INSC: variants seen among roughly 807,000 people sequenced by gnomAD.
INSC encodes the protein INSC spindle orientation adaptor protein.
In INSC, 67 loss-of-function variants were observed where a neutral mutation model predicts 58.6. The ratio of observed to expected loss-of-function variants is 1.14; its 90% CI spans 0.94 to 1.40. The LOEUF (loss-of-function observed/expected upper bound fraction) is 1.40, where lower values mean the gene tolerates loss of function less well. Among genes scored for constraint, INSC ranks in the 40% most tolerant of loss-of-function variants. The pLI is 0.00. For missense variants in INSC, 714 were observed against 692.0 expected (o/e 1.03, Z -0.36); for synonymous variants, 262 against 276.1 (o/e 0.95, Z 0.51).
Position 15,240,461 on chromosome 11 carries a change from A to T in INSC, c.1408A>T (p.Ile470Phe), listed in dbSNP as rs1356563334. Residue 470 changes from isoleucine (I) to phenylalanine (F), a missense_variant, in exon 12 of 13, where the codon ATC (isoleucine) becomes TTC (phenylalanine). Physicochemically the swap from Ile to Phe is conservative, Grantham distance 21. Coordinates refer to ENST00000379556, the MANE Select transcript of INSC (RefSeq NM_001042536.3). ...GTCTCCTACAGGCATGTCCCGTCTCATCGAGCTCTGCAGATCCCCATCAGA... is the reference window on the plus strand; with the variant it reads ...GTCTCCTACAGGCATGTCCCGTCTCTTCGAGCTCTGCAGATCCCCATCAGA... The part of the protein sequence containing the change: ...AVRLSCMSRL[I>F]ELCRSPSERN... 6.2e-7 allele frequency: 1 copy of T among 1,613,902 alleles called. No individual in the cohort carries two copies. The highest frequency in any genetic ancestry group is 1.1e-5 in the South Asian group (1 of 91,038).
intron 9 of INSC, among the ~76,000 whole-genome samples, chr11:15,231,268 T>C (rs1851913794): frequency 1.3e-5 from 2 of 152,110 alleles, no homozygotes; most frequent in African/African-American, 4.8e-5. Flanking sequence ...GGGAAGAGGG[T>C]GGAGAGAAGC....
chr11:15,208,343 G>A (rs148091080), intron 7 of INSC, among the ~76,000 whole-genome samples: 67 of 151,246 alleles, frequency 4.4e-4, no homozygotes, highest in African/African-American at 1.3e-3. Flanking sequence ...AGGGTCCCAG[G>A]TTAGCTGTGC....
intron 1 of INSC, among the ~76,000 whole-genome samples, chr11:15,127,943 C>T (rs891726868): frequency 4.0e-5 from 6 of 151,718 alleles, no homozygotes; most frequent in South Asian, 2.1e-4. Flanking sequence ...TGCAGTGAGC[C>T]GAGATCGTGC....
chr11:15,264,058 G>A, the INSC span, among the ~76,000 whole-genome samples: 2 of 149,070 alleles, frequency 1.3e-5, no homozygotes, highest in Admixed American at 6.7e-5. Context: ...CCTTTAGTTA[G>A]ATTGGACCCA....
intron 1 of INSC, among the ~76,000 whole-genome samples, chr11:15,138,433 C>T (rs1848296598): frequency 6.6e-6 from 1 of 152,216 alleles, no homozygotes; most frequent in Non-Finnish European, 1.5e-5. Context: ...AGTGCCCCAA[C>T]TCCCAACACT....
rs374306558 is a variant in INSC, at chr11:15,175,729, T to C, written c.57-12T>C. On this transcript the variant is annotated splice_polypyrimidine_tract_variant and intron_variant, in intron 2 of 12. Coordinates refer to ENST00000379556, the MANE Select transcript of INSC (RefSeq NM_001042536.3). ...TGTTGATAATTATCGTGGTGCTGTT[T>C]CCTGGTTGCAGGCTACACCTGATGC... The C allele has an allele frequency of 7.3e-5, 111 of 1,528,006 alleles. No individual in the cohort carries two copies. The highest frequency in any genetic ancestry group is 9.3e-5 in the Non-Finnish European group (105 of 1,131,768). The allele number at this position is 1,528,006 out of a possible 1,614,324, so 94.7% of individuals were successfully genotyped here.
intron 12 of INSC, 137 bp downstream of exon 12, chr11:15,240,660 T>G (rs1852314560): frequency 1.5e-6 from 1 of 673,412 alleles, no homozygotes; most frequent in Non-Finnish European, 2.7e-6. Context: ...TCTTTAGGAT[T>G]GTGAACATTG....
At chr11:15,268,686 T>C in the INSC span, among the ~76,000 whole-genome samples, 1 of 152,086 alleles carries the variant, frequency 6.6e-6, no homozygotes, top group African/African-American at 2.4e-5. Flanking sequence ...ATTAAGTACT[T>C]TAAGCCCCAT....
intron 7 of INSC, among the ~76,000 whole-genome samples, chr11:15,207,634 G>T (rs1267065824): frequency 6.6e-6 from 1 of 152,224 alleles, no homozygotes; most frequent in Admixed American, 6.5e-5. Flanking sequence ...GCAGGAGGGA[G>T]TGGGCTGCAA....
intron 6 of INSC, among the ~76,000 whole-genome samples, chr11:15,193,232 G>T (rs777166532): frequency 6.6e-6 from 1 of 152,212 alleles, no homozygotes; most frequent in Non-Finnish European, 1.5e-5. Context: ...ATTTAGAAAA[G>T]TGAGTTATTT....
chr11:15,219,551 G>A (rs1243462036), intron 7 of INSC, among the ~76,000 whole-genome samples: 1 of 152,102 alleles, frequency 6.6e-6, no homozygotes, highest in Non-Finnish European at 1.5e-5. Context: ...GCCTTGGGTG[G>A]CAGCAGACCC....
chr11:15,112,504 G>C (rs760307862), upstream of INSC: 1 of 1,612,650 alleles, frequency 6.2e-7, no homozygotes, highest in African/African-American at 1.3e-5. Flanking sequence ...GAGGCGGCCA[G>C]CGAAGGTCCA....
chr11:15,202,189 G>A (rs4756800), intron 7 of INSC, among the ~76,000 whole-genome samples: 44,873 of 151,858 alleles, frequency 0.3, 7,375 homozygotes, highest in East Asian at 0.74. Flanking sequence ...CAGAGTGCCC[G>A]CTTCCCACCG....
chr11:15,141,157 T>C (rs1290303374), intron 1 of INSC, among the ~76,000 whole-genome samples: 1 of 151,828 alleles, frequency 6.6e-6, no homozygotes. Context: ...ACTCTGAGAG[T>C]ATAATGTGAG....
chr11:15,217,882 T>G (rs780726407), intron 7 of INSC, among the ~76,000 whole-genome samples: 4 of 152,196 alleles, frequency 2.6e-5, no homozygotes, highest in Admixed American at 2.0e-4. Context: ...AATCTGCCAA[T>G]AGCAAGTATT....
At chr11:15,176,112 G>A (rs757432795) in intron 3 of INSC, 26 bp downstream of exon 3, 1 of 1,472,662 alleles carries the variant, frequency 6.8e-7, no homozygotes, top group Non-Finnish European at 9.1e-7. Flanking sequence ...ATAGGAGTGG[G>A]CGGGAACTGG....
chr11:15,178,068 G>T (rs1206463912), intron 4 of INSC, among the ~76,000 whole-genome samples: 3 of 152,158 alleles, frequency 2.0e-5, no homozygotes, highest in Admixed American at 1.3e-4. Flanking sequence ...AAGCCCAGAG[G>T]TATAGATTTT....
Position 15,176,255 on chromosome 11 carries a change from G to A in INSC, c.402+169G>A, listed in dbSNP as rs1207735195. On this transcript the variant is annotated intron_variant, in intron 3 of 12. Coordinates refer to ENST00000379556, the MANE Select transcript of INSC (RefSeq NM_001042536.3). The stretch of plus-strand genomic sequence containing the variant: ...GGAATCTTTACTGAGTGCCTACTAT[G>A]TGGTGGACATTGTGCTAGGTGTTTT... 4.6e-5 allele frequency among the ~76,000 whole-genome samples: 7 copies of A among 152,116 alleles called. No homozygotes were observed. The East Asian group carries it at 1.3e-3, about 29-fold the overall frequency.
intron 7 of INSC, among the ~76,000 whole-genome samples, chr11:15,210,586 T>C (rs2133905879): frequency 6.6e-6 from 1 of 151,106 alleles, no homozygotes; most frequent in South Asian, 2.1e-4. Context: ...GGTAAAGTTG[T>C]TGTGTATCTC....
Sources: allele counts gnomAD v4.1 joint callset (sites outside exome capture counted in the v4.1 genomes callset), GRCh38; gene constraint gnomAD v4.1.1; transcripts MANE v1.5; gene names NCBI Gene and HGNC (gene_info 2026-07-23, HGNC 2026-07-21).